The following THOP1 variants were observed in gnomAD, a reference collection of about 807,000 sequenced individuals.
THOP1 encodes thimet oligopeptidase.
Under a neutral mutation model 71.8 loss-of-function variants are expected in THOP1, and 49 were observed. That is an observed-to-expected ratio of 0.68 (90% CI 0.54 to 0.87). THOP1 has a LOEUF of 0.87. Among genes scored for constraint, THOP1 ranks in the 40% least tolerant of loss-of-function variants. The pLI is 0.00. For missense variants in THOP1, 843 were observed against 975.6 expected (o/e 0.86, Z 1.81); for synonymous variants, 426 against 421.5 (o/e 1.01, Z -0.13).
chr19:2,794,909 C>G lies in THOP1; in HGVS notation c.375C>G (p.Leu125=). The G allele has an allele frequency of 6.2e-7, 1 of 1,610,412 alleles. No individual in the cohort carries two copies. Among genetic ancestry groups the G allele is most frequent in the Non-Finnish European group, 8.5e-7 (1 of 1,176,978 alleles). ...REDVYQRIVW[L]QEKVQKDSLR... ...ACGTGTACCAGAGGATCGTGTGGCT[C>G]CAGGTGAGGGGGCCCTGCGGGGAGT... Residue 125 remains leucine (L), a synonymous_variant, in exon 3 of 13, where the codon CTC becomes CTG. Transcript: ENST00000307741.
chr19:2,796,836 G>A (rs756300527), intron 4 of THOP1, among the ~76,000 whole-genome samples: 31 of 152,194 alleles, frequency 2.0e-4, no homozygotes, highest in Non-Finnish European at 3.8e-4. Context: ...GACATGGGGC[G>A]CAGAGGCTCG....
chr19:2,810,397 C>T lies in THOP1; in HGVS notation c.1549C>T (p.Pro517Ser). ...MLENWVWEQE[P>S]LLRMSRHYRT... ...GGAGAACTGGGTGTGGGAGCAGGAG[C>T]CGCTGCTGCGGATGTCGCGGCACTA... is the stretch of plus-strand genomic sequence containing the variant. The change falls in exon 10 of 13, where the codon CCG (proline) becomes TCG (serine). Residue 517 changes from proline to serine, a missense_variant. Transcript: ENST00000307741. 2 of 1,610,484 alleles carry T rather than the reference C, an allele frequency of 1.2e-6. No homozygotes were observed. Among genetic ancestry groups the T allele is most frequent in the South Asian group, 1.1e-5 (1 of 90,796 alleles).
At chr19:2,786,195 G>T (rs1336498930) in intron 1 of THOP1, among the ~76,000 whole-genome samples, 2 of 152,178 alleles carry the variant, frequency 1.3e-5, no homozygotes, top group Non-Finnish European at 2.9e-5. Context: ...AGGCGTCCCG[G>T]GAGGAGGGAA....
intron 1 of THOP1, among the ~76,000 whole-genome samples, chr19:2,787,871 C>T (rs1734698475): frequency 6.6e-6 from 1 of 152,188 alleles, no homozygotes; most frequent in Non-Finnish European, 1.5e-5. Flanking sequence ...CGATCCGGCC[C>T]CAATGGCCAC....
In THOP1 at chr19:2,796,925, C is replaced by G. The variant is rs145760386; in HGVS notation, c.486+737C>G. Among the ~76,000 whole-genome samples the G allele has an allele frequency of 3.5e-3, 536 of 152,270 alleles. 6 individuals are homozygous for G. Among genetic ancestry groups the G allele is most frequent in the Non-Finnish European group, 6.3e-3 (427 of 68,000 alleles). ...CAGGGGTGACATGAGTTAGTTGGTG[C>G]AGAGCTGGGAGCGCAGCGCTGAAGT... is the stretch of plus-strand genomic sequence containing the variant. On this transcript the variant is annotated intron_variant, in intron 4 of 12. Coordinates refer to ENST00000307741, the MANE Select transcript of THOP1 (RefSeq NM_003249.5).
intron 2 of THOP1, among the ~76,000 whole-genome samples, chr19:2,791,602 C>T (rs1210554260): frequency 6.6e-6 from 1 of 152,158 alleles, no homozygotes; most frequent in Admixed American, 6.5e-5. Context: ...GCTTAGAGCC[C>T]GTATGACCTC....
At chr19:2,792,414 C>G (rs1341892148) in intron 2 of THOP1, among the ~76,000 whole-genome samples, 11 of 152,104 alleles carry the variant, frequency 7.2e-5, no homozygotes, top group African/African-American at 2.4e-4. Context: ...TCCTGCCTGC[C>G]TTGGCCTCCA....
rs770785231 is a variant in THOP1 at position 2,810,785 on chromosome 19, C to T, written c.1771+17C>T. 2.2e-5 allele frequency: 35 copies of T among 1,595,312 alleles called. No homozygotes were observed. The highest frequency in any genetic ancestry group is 9.0e-5 in the South Asian group (8 of 89,230). ...CCACGCCAGGTAGCCACCCTTGAGCCGGGCACACCCTGGAATTTGGAGCCT... is the reference window on the plus strand; with the variant it reads ...CCACGCCAGGTAGCCACCCTTGAGCTGGGCACACCCTGGAATTTGGAGCCT... On this transcript the variant is annotated intron_variant, in intron 11 of 12. Transcript: ENST00000307741.
chr19:2,799,925 AC>A (rs1244802807), intron 5 of THOP1, 134 bp downstream of exon 5: 14 of 750,504 alleles, frequency 1.9e-5, no homozygotes, highest in Non-Finnish European at 3.0e-5. Context: ...AAGTACGTGG[AC>A]CTGACCGCCC....
chr19:2,802,483 C>T (rs1200334430), intron 5 of THOP1, among the ~76,000 whole-genome samples: 1 of 148,018 alleles, frequency 6.8e-6, no homozygotes, highest in Non-Finnish European at 1.5e-5. Context: ...CAACACCTCC[C>T]GACACCAACA....
chr19:2,807,837 G>T, intron 8 of THOP1, 29 bp downstream of exon 8: 1 of 1,436,026 alleles, frequency 7.0e-7, no homozygotes. Context: ...GGCGGGGGGC[G>T]CACCCCGGCC....
Position 2,811,748 on chromosome 19 carries a change from G to A in THOP1, c.1908+14G>A, listed in dbSNP as rs749434347. On this transcript the variant is annotated intron_variant, in intron 12 of 12. Coordinates refer to ENST00000307741, the MANE Select transcript of THOP1 (RefSeq NM_003249.5). ...CTGAACAGCAAGGTACGCGGGGACT[G>A]GGGACAGGGAGGGCGTCCTGAACGG... The A allele has an allele frequency of 1.9e-6, 3 of 1,571,772 alleles. No individual in the cohort carries two copies. The highest frequency in any genetic ancestry group is 2.6e-6 in the Non-Finnish European group (3 of 1,156,534).
chr19:2,788,269 G>A (rs2144755374), intron 1 of THOP1, among the ~76,000 whole-genome samples: 1 of 152,344 alleles, frequency 6.6e-6, no homozygotes, highest in East Asian at 1.9e-4. Context: ...GCAACTGGCA[G>A]AGGTGGGGTC....
In THOP1 at chr19:2,813,329, C is replaced by T. The variant is rs989181608; in HGVS notation, c.*53C>T. On this transcript the variant is annotated 3_prime_UTR_variant, in exon 13 of 13. Coordinates refer to ENST00000307741, the MANE Select transcript of THOP1 (RefSeq NM_003249.5). ...GCCTGCGCTCCCGCCGCCCTGGTGC[C>T]TTAGCCCCCGGCACAGGATGGGGCA... is the stretch of plus-strand genomic sequence containing the variant. 1.3e-6 allele frequency: 2 copies of T among 1,526,922 alleles called. No homozygotes were observed. The highest frequency in any genetic ancestry group is 1.4e-5 in the African/African-American group (1 of 73,024). 94.6% of individuals were successfully genotyped at this position (1,526,922 alleles called of 1,614,324 possible).
In THOP1 at chr19:2,815,494, A is replaced by G. The variant is rs1916581533; in HGVS notation, c.*2218A>G. 1 of 152,270 alleles carries G rather than the reference A, an allele frequency of 6.6e-6. No homozygotes were observed. The allele number at this position is 152,270 out of a possible 1,614,324, so 9.4% of individuals were successfully genotyped here. A position where few individuals can be genotyped will look rare whatever the true frequency, so the allele number is the denominator to read the frequency against. On this transcript the variant is annotated 3_prime_UTR_variant, in exon 13 of 13. Transcript: ENST00000307741. ...CAGGGATGTGGAGGTAGTAGCACAG[A>G]GTCTCGGTCCAGGGCCCTGTTCCCC...
At chr19:2,802,290 C>T (rs1377593639) in intron 5 of THOP1, among the ~76,000 whole-genome samples, 1 of 147,162 alleles carries the variant, frequency 6.8e-6, no homozygotes, top group African/African-American at 2.5e-5. Context: ...CCCCCACCTC[C>T]CAATACCAAC....
intron 12 of THOP1, 138 bp from the exon 13 acceptor site, chr19:2,812,977 A>T: frequency 1.0e-6 from 1 of 965,556 alleles, no homozygotes. Context: ...GTGCTGATGC[A>T]GGCGGCCCCC....
intron 5 of THOP1, among the ~76,000 whole-genome samples, chr19:2,803,944 T>G (rs1355618513): frequency 6.6e-6 from 1 of 151,988 alleles, no homozygotes; most frequent in African/African-American, 2.4e-5. Context: ...GGGGTCGGGG[T>G]GAGCTCCCAA....
At chr19:2,808,551 G>T (rs991089019) in intron 9 of THOP1, 107 bp downstream of exon 9, 3 of 1,264,712 alleles carry the variant, frequency 2.4e-6, no homozygotes, top group African/African-American at 1.5e-5. Context: ...CTCTGCACCC[G>T]TCCGGTGGCT....
Sources: gnomAD v4.1 joint callset for allele counts (sites outside exome capture counted in the v4.1 genomes callset) on GRCh38, gnomAD v4.1.1 for gene constraint, MANE v1.5 for transcripts, NCBI Gene and HGNC (gene_info 2026-07-23, HGNC 2026-07-21) for gene names.